The following SSH1 variants were observed in gnomAD, a reference collection of about 807,000 sequenced individuals.
SSH1 encodes protein phosphatase Slingshot homolog 1.
A neutral mutation model predicts 79.7 loss-of-function variants in SSH1; 43 were observed. The ratio of observed to expected loss-of-function variants is 0.54; its 90% CI spans 0.42 to 0.70. The LOEUF is 0.70. Among genes scored for constraint, SSH1 ranks in the 30% least tolerant of loss-of-function variants. The probability of loss-of-function intolerance (pLI) is 0.00; values close to 1 mark genes in which losing one functional copy is unlikely to be tolerated. For missense variants in SSH1, 1,206 were observed against 1,358.8 expected (o/e 0.89, Z 1.77); for synonymous variants, 599 against 538.3 (o/e 1.11, Z -1.56).
At chr12:108,789,946 G>A (rs994957310) in intron 14 of SSH1, among the ~76,000 whole-genome samples, 3 of 151,662 alleles carry the variant, frequency 2.0e-5, no homozygotes, top group Non-Finnish European at 2.9e-5. Context: ...CTCCTGCCTC[G>A]GCCTCCCAAA....
chr12:108,800,729 C>T (rs1474545577), intron 12 of SSH1, 51 bp downstream of exon 12: 3 of 1,606,254 alleles, frequency 1.9e-6, no homozygotes, highest in Non-Finnish European at 2.6e-6. Flanking sequence ...CCCACTCTCC[C>T]AGCCTCAGCA....
At chr12:108,822,650 C>A (rs950694149) in intron 3 of SSH1, among the ~76,000 whole-genome samples, 1 of 152,212 alleles carries the variant, frequency 6.6e-6, no homozygotes, top group South Asian at 2.1e-4. Context: ...TAACTGCCTT[C>A]AGCTCTGAGT....
intron 2 of SSH1, chr12:108,825,980 G>C: frequency 2.6e-6 from 1 of 384,620 alleles, no homozygotes; most frequent in Non-Finnish European, 5.0e-6. Context: ...ACAGCTATGC[G>C]AGAGGTTCCA....
At chr12:108,811,486 A>G (rs1285304833) in intron 5 of SSH1, 158 bp from the exon 6 acceptor site, 1 of 716,494 alleles carries the variant, frequency 1.4e-6, no homozygotes, top group Non-Finnish European at 2.5e-6. Context: ...TAGAAGACAC[A>G]GGTCTGGGAT....
At chr12:108,789,503 GGTCA>G (rs2036413822) in intron 14 of SSH1, among the ~76,000 whole-genome samples, 1 of 152,088 alleles carries the variant, frequency 6.6e-6, no homozygotes, top group African/African-American at 2.4e-5. Context: ...CCTGCCTTTT[GGTCA>G]GTGAGGATCT....
Position 108,806,000 on chromosome 12 carries a change from C to T in SSH1, c.825+301G>A, listed in dbSNP as rs183822731. On this transcript the variant is annotated intron_variant, in intron 9 of 14. Coordinates refer to ENST00000326495, the MANE Select transcript of SSH1 (RefSeq NM_018984.4). ...GTTATTAAAACAGATCAATGCTTCT[C>T]GGTGCAGTCTGTGGATCTCATGGAC... Among the ~76,000 whole-genome samples, 12 of 152,078 alleles carry T rather than the reference C, an allele frequency of 7.9e-5. 1 individual carries two copies. The highest frequency in any genetic ancestry group is 4.6e-4 in the Admixed American group (7 of 15,288).
At position 108,837,854 on chromosome 12, in the gene SSH1, C is replaced by T. The variant is rs116953653; in HGVS notation, c.111-14493G>A. 5.7e-3 allele frequency among the ~76,000 whole-genome samples: 862 copies of T among 152,110 alleles called. 7 individuals carry two copies. Among genetic ancestry groups the T allele is most frequent in the South Asian group, 0.014 (69 of 4,824 alleles). ...AGTGCAGTGGGACGACCACGGCTCA[C>T]GCAGCACAGCCTCCACCTCCCAGGC... On this transcript the variant is annotated intron_variant, in intron 2 of 14. Transcript: ENST00000326495.
Position 108,788,642 on chromosome 12 carries a change from C to T in SSH1, c.2496G>A (p.Leu832=), listed in dbSNP as rs2136958250. 6.2e-7 allele frequency: 1 copy of T among 1,613,668 alleles called. No individual in the cohort carries two copies. The highest frequency in any genetic ancestry group is 1.1e-5 in the South Asian group (1 of 91,082). Residue 832 remains leucine (L), a synonymous_variant, in exon 15 of 15, where the codon CTG becomes CTA. Transcript: ENST00000326495. ...VRKHTKELER[L]KSVPADPAPP... Reference sequence around the variant, plus strand: ...GTGCTGGGTCTGCAGGCACGCTCTTCAGCCGCTCTAGCTCTTTGGTGTGCT... The same window carrying T: ...GTGCTGGGTCTGCAGGCACGCTCTTTAGCCGCTCTAGCTCTTTGGTGTGCT...
intron 13 of SSH1, among the ~76,000 whole-genome samples, chr12:108,794,962 T>C (rs1025431205): frequency 7.2e-5 from 11 of 152,166 alleles, no homozygotes; most frequent in Non-Finnish European, 1.6e-4. Context: ...CTATTGTCTA[T>C]GTTATGCAAA....
intron 6 of SSH1, among the ~76,000 whole-genome samples, chr12:108,810,278 T>C (rs545638691): frequency 6.6e-6 from 1 of 152,082 alleles, no homozygotes; most frequent in African/African-American, 2.4e-5. Flanking sequence ...TCCCAGCACT[T>C]TGGGAGGCCG....
intron 6 of SSH1, 102 bp downstream of exon 6, chr12:108,811,158 G>A (rs1442994984): frequency 9.5e-6 from 10 of 1,052,070 alleles, no homozygotes; most frequent in Admixed American, 8.6e-5. Context: ...CCCGCCACAC[G>A]TGTCATTCAG....
intron 2 of SSH1, among the ~76,000 whole-genome samples, chr12:108,835,966 T>C (rs1391880016): frequency 7.4e-6 from 1 of 134,350 alleles, no homozygotes. Flanking sequence ...CGATTATAAC[T>C]ATATTAATAT....
At chr12:108,812,728 T>C (rs1016005949) in intron 5 of SSH1, among the ~76,000 whole-genome samples, 4 of 152,222 alleles carry the variant, frequency 2.6e-5, no homozygotes, top group Non-Finnish European at 5.9e-5. Context: ...ACAGGGACCA[T>C]ACAGGACTGC....
Position 108,788,207 on chromosome 12 carries a change from G to A in SSH1, c.2931C>T (p.His977=). The A allele has an allele frequency of 1.9e-6, 3 of 1,614,108 alleles. No individual in the cohort carries two copies. Among genetic ancestry groups the A allele is most frequent in the Non-Finnish European group, 2.5e-6 (3 of 1,180,030 alleles). ...TGAGACTCCCCAGCTTGGCAAGAGA[G>A]TGTGAGCGCTTCAGTGGGGAAGAGA... is the stretch of plus-strand genomic sequence containing the variant. ...LTVSSPLKRS[H]SLAKLGSLTF... The change falls in exon 15 of 15, where the codon CAC becomes CAT. Residue 977 remains histidine, a synonymous_variant. Coordinates refer to ENST00000326495, the MANE Select transcript of SSH1 (RefSeq NM_018984.4).
Position 108,857,434 on chromosome 12 carries a change from G to A in SSH1, c.63C>T (p.Asn21=). 9.1e-7 allele frequency: 1 copy of A among 1,103,368 alleles called. No individual in the cohort carries two copies. Among genetic ancestry groups the A allele is most frequent in the African/African-American group, 1.7e-5 (1 of 59,494 alleles). 68.3% of individuals were successfully genotyped at this position (1,103,368 alleles called of 1,614,324 possible). A position where few individuals can be genotyped will look rare whatever the true frequency, so the allele number is the denominator to read the frequency against. Residue 21 remains asparagine (N), a synonymous_variant, in exon 1 of 15, where the codon AAC becomes AAT. Coordinates refer to ENST00000326495, the MANE Select transcript of SSH1 (RefSeq NM_018984.4). This position sits in a 1 kb window ranked among gnomAD's most constrained non-coding sequence, Gnocchi z 4.7. ...TPSAASSSAS[N]SELEAGSEED... ...CGGCGAGCCCGGGGCTCACCTCGCT[G>A]TTGCTGGCCGAGGAGGAGGCGGCGC...
intron 4 of SSH1, among the ~76,000 whole-genome samples, chr12:108,818,041 T>A (rs1043844459): frequency 1.3e-5 from 2 of 151,806 alleles, no homozygotes; most frequent in Non-Finnish European, 2.9e-5. Flanking sequence ...ATCCACAAAA[T>A]TTTTTTAAAA....
rs543398550 is a variant in SSH1 at position 108,829,441 on chromosome 12, G to C, written c.111-6080C>G. On this transcript the variant is annotated intron_variant, in intron 2 of 14. Transcript: ENST00000326495. ...GATTAACCCCTAGAATTAACCCCTA[G>C]AATTCCTTACAGGGTTCTGTTCATT... Among the ~76,000 whole-genome samples, 201 of 152,262 alleles carry C rather than the reference G, an allele frequency of 1.3e-3. 1 individual carries two copies. The highest frequency in any genetic ancestry group is 4.7e-3 in the African/African-American group (196 of 41,548).
intron 2 of SSH1, among the ~76,000 whole-genome samples, chr12:108,826,742 G>A (rs941359806): frequency 4.6e-5 from 7 of 152,100 alleles, no homozygotes; most frequent in African/African-American, 1.2e-4. Context: ...ACAGGCTCCC[G>A]ATTCATCAGA....
At chr12:108,816,988 G>T (rs762644782) in intron 5 of SSH1, 50 bp downstream of exon 5, 1 of 1,610,828 alleles carries the variant, frequency 6.2e-7, no homozygotes, top group Non-Finnish European at 8.5e-7. Context: ...TTGTCCAGCA[G>T]CAACTCTTGC....
Sources: allele counts gnomAD v4.1 joint callset (sites outside exome capture counted in the v4.1 genomes callset), GRCh38; gene constraint gnomAD v4.1.1; non-coding constraint Gnocchi (gnomAD v3.1); transcripts MANE v1.5; gene names NCBI Gene and HGNC (gene_info 2026-07-23, HGNC 2026-07-21).